The following RASA3 variants were observed in gnomAD, a reference collection of about 807,000 sequenced individuals.
The protein encoded by RASA3 is RAS p21 protein activator 3.
Under a neutral mutation model 110.0 loss-of-function variants are expected in RASA3, and 73 were observed. The observed-to-expected ratio is 0.66, with a 90% confidence interval of 0.55 to 0.81. The LOEUF (loss-of-function observed/expected upper bound fraction) is 0.81, where lower values mean the gene tolerates loss of function less well. Among genes scored for constraint, RASA3 ranks in the 30% least tolerant of loss-of-function variants. The pLI, the probability that RASA3 is intolerant of heterozygous loss-of-function variation, is 0.00. For synonymous variants in RASA3, 500 were observed against 451.4 expected (o/e 1.11, Z -1.37); for missense variants, 976 against 1,113.2 (o/e 0.88, Z 1.75).
At position 114,013,646 on chromosome 13, in the gene RASA3, T is replaced by TA. The variant is rs2053701583; in HGVS notation, c.1406-399_1406-398insT. ...TCTGTCTCTCTCTCTCTCCATCTCT[T>TA]TGTCTCTCTCCCTCTTTGTCCCTCT... On this transcript the variant is annotated intron_variant, in intron 14 of 23. Coordinates refer to ENST00000334062, the MANE Select transcript of RASA3 (RefSeq NM_007368.4). 6.7e-5 allele frequency among the ~76,000 whole-genome samples: 5 copies of TA among 74,176 alleles called. No individual in the cohort carries two copies. In the Admixed American group the frequency reaches 6.7e-4, roughly 10 times the overall value. 48.7% of individuals were successfully genotyped at this position (74,176 alleles called of 152,430 possible). A position where few individuals can be genotyped will look rare whatever the true frequency, so the allele number is the denominator to read the frequency against.
At chr13:113,999,292 T>C (rs1171117451) in intron 20 of RASA3, among the ~76,000 whole-genome samples, 1 of 152,164 alleles carries the variant, frequency 6.6e-6, no homozygotes, top group Non-Finnish European at 1.5e-5. Context: ...AGAGGGCCCC[T>C]TGACATTGGG....
At chr13:114,024,961 C>T (rs971180104) in intron 7 of RASA3, among the ~76,000 whole-genome samples, 15 of 152,202 alleles carry the variant, frequency 9.9e-5, no homozygotes, top group Non-Finnish European at 1.8e-4. Flanking sequence ...GCTCCGGGAC[C>T]GCCCCCCGCC....
chr13:113,994,951 G>A (rs967696866), intron 21 of RASA3, among the ~76,000 whole-genome samples: 3 of 152,192 alleles, frequency 2.0e-5, no homozygotes, highest in Non-Finnish European at 4.4e-5. Context: ...TCCAGCCCGG[G>A]TGACAGAACG....
chr13:114,125,030 C>T (rs539704665), intron 1 of RASA3, among the ~76,000 whole-genome samples: 1 of 152,280 alleles, frequency 6.6e-6, no homozygotes, highest in African/African-American at 2.4e-5. Flanking sequence ...TGGGTCTTAT[C>T]CCTGATCTGC....
chr13:114,129,972 T>C (rs1319982252), intron 1 of RASA3, among the ~76,000 whole-genome samples: 1 of 152,066 alleles, frequency 6.6e-6, no homozygotes, highest in Non-Finnish European at 1.5e-5. Flanking sequence ...AGAGCCAAGG[T>C]TGGCCATGAA....
chr13:114,083,156 G>A (rs1450002372), intron 1 of RASA3, among the ~76,000 whole-genome samples: 1 of 152,224 alleles, frequency 6.6e-6, no homozygotes, highest in Non-Finnish European at 1.5e-5. Context: ...ATTCATCAAT[G>A]TCACAAGCAA....
At chr13:114,124,952 G>A (rs1470212519) in intron 1 of RASA3, among the ~76,000 whole-genome samples, 1 of 152,182 alleles carries the variant, frequency 6.6e-6, no homozygotes, top group African/African-American at 2.4e-5. Flanking sequence ...GGAAGGCCTT[G>A]TATTCCTGTC....
chr13:114,032,744 ACCCC>A (rs2054193775), intron 4 of RASA3, among the ~76,000 whole-genome samples: 1 of 62,018 alleles, frequency 1.6e-5, no homozygotes, highest in Non-Finnish European at 2.9e-5. Flanking sequence ...GTTCCATGGC[ACCCC>A]CACACTGACA....
chr13:114,039,931 C>T (rs965063763), intron 4 of RASA3, among the ~76,000 whole-genome samples: 3 of 152,198 alleles, frequency 2.0e-5, no homozygotes, highest in Non-Finnish European at 2.9e-5. Flanking sequence ...ACACGGGAGA[C>T]CAGAACGCTC....
rs2054092505 is a variant in RASA3, at chr13:114,029,002, G to C, written c.449+809C>G. Among the ~76,000 whole-genome samples the C allele has an allele frequency of 1.3e-4, 2 of 15,396 alleles. 1 individual carries two copies. Among genetic ancestry groups the C allele is most frequent in the Non-Finnish European group, 2.1e-4 (2 of 9,564 alleles). 10.1% of individuals were successfully genotyped at this position (15,396 alleles called of 152,430 possible). ...CTAAAACGGCATCATCCTGGGGCCA[G>C]GACCTCTAAAACGGCATCATCCTGG... On this transcript the variant is annotated intron_variant, in intron 5 of 23. Coordinates refer to ENST00000334062, the MANE Select transcript of RASA3 (RefSeq NM_007368.4).
chr13:114,064,949 GCCTCT>G (rs1224552942), intron 2 of RASA3, among the ~76,000 whole-genome samples: 1 of 152,256 alleles, frequency 6.6e-6, no homozygotes, highest in Non-Finnish European at 1.5e-5. Flanking sequence ...GCACGCAGCA[GCCTCT>G]CCCTCTGAGG....
rs1433413490 is a variant in RASA3 at position 113,999,524 on chromosome 13, G to C, written c.1932+61C>G. 1.5e-4 allele frequency: 205 copies of C among 1,366,486 alleles called. 1 individual carries two copies. The South Asian group carries it at 2.3e-3, about 15-fold the overall frequency. 84.6% of individuals were successfully genotyped at this position (1,366,486 alleles called of 1,614,324 possible). On this transcript the variant is annotated intron_variant, in intron 20 of 23. Transcript: ENST00000334062. Reference sequence around the variant, plus strand: ...GAGCCCAGGGCCAGGTACGGGAAGAGAGCAGAGAAAACCTGGCCAGGCCTC... The same window carrying C: ...GAGCCCAGGGCCAGGTACGGGAAGACAGCAGAGAAAACCTGGCCAGGCCTC...
At chr13:114,110,668 G>A (rs1478803113) in intron 1 of RASA3, among the ~76,000 whole-genome samples, 3 of 152,252 alleles carry the variant, frequency 2.0e-5, no homozygotes, top group Non-Finnish European at 4.4e-5. Context: ...CCTGGCTGCT[G>A]TGAGGACCGA....
intron 2 of RASA3, among the ~76,000 whole-genome samples, chr13:114,053,554 G>A (rs765019674): frequency 6.6e-6 from 1 of 152,252 alleles, no homozygotes; most frequent in Non-Finnish European, 1.5e-5. Context: ...AGGTCAACGT[G>A]CTGGGCCAGG....
At chr13:114,042,632 G>A (rs556384215) in intron 3 of RASA3, among the ~76,000 whole-genome samples, 2 of 152,294 alleles carry the variant, frequency 1.3e-5, no homozygotes, top group Non-Finnish European at 2.9e-5. Context: ...CCTCCTACCC[G>A]GCCACCCTGC....
At chr13:114,033,664 C>T (rs558084468) in intron 4 of RASA3, among the ~76,000 whole-genome samples, 60 of 151,622 alleles carry the variant, frequency 4.0e-4, no homozygotes, top group Non-Finnish European at 8.0e-4. Context: ...GGCACCCCCA[C>T]ACTGACACCA....
At chr13:114,046,265 TCA>T (rs2079051529) in intron 3 of RASA3, among the ~76,000 whole-genome samples, 1 of 152,210 alleles carries the variant, frequency 6.6e-6, no homozygotes, top group African/African-American at 2.4e-5. Context: ...GGGCTTAGCC[TCA>T]GAGGGTCTGT....
At chr13:113,997,602 G>T (rs1351554203) in intron 20 of RASA3, among the ~76,000 whole-genome samples, 3 of 151,980 alleles carry the variant, frequency 2.0e-5, no homozygotes, top group Non-Finnish European at 4.4e-5. Context: ...GGATTAGAGG[G>T]ACGGGGGTGC....
intron 2 of RASA3, among the ~76,000 whole-genome samples, chr13:114,062,947 A>G (rs536909865): frequency 3.3e-5 from 5 of 152,338 alleles, no homozygotes; most frequent in South Asian, 4.1e-4. Context: ...CGAAATGCCC[A>G]AGAGAGGCAC....
Sources: allele counts gnomAD v4.1 joint callset (sites outside exome capture counted in the v4.1 genomes callset), GRCh38; gene constraint gnomAD v4.1.1; transcripts MANE v1.5; gene names NCBI Gene and HGNC (gene_info 2026-07-23, HGNC 2026-07-21).